The following ZNF532 variants were observed in gnomAD, a reference collection of about 807,000 sequenced individuals.
ZNF532 encodes zinc finger protein 532.
In ZNF532, 22 loss-of-function variants were observed where a neutral mutation model predicts 89.3. The observed-to-expected ratio is 0.25, with a 90% confidence interval of 0.18 to 0.35. ZNF532 has a LOEUF of 0.35. ZNF532 is among the 10% of genes least tolerant of loss of function. The pLI is 1.00. For synonymous variants in ZNF532, 606 were observed against 649.6 expected, an observed-to-expected ratio of 0.93 and a Z score of 1.02; for missense variants, 1,132 against 1,643.4, an observed-to-expected ratio of 0.69 and a Z score of 5.38.
In ZNF532 at chr18:58,953,629, A is replaced by G; in HGVS notation, c.2980A>G (p.Thr994Ala). ...TTCAGCAAATCAGAACAAAGAGGAC[A>G]CCAAATCCATGAATGGGAAAGAGAA... ...QNSANQNKED[T>A]KSMNGKEKLE... The change falls in exon 7 of 10, where the codon ACC becomes GCC. Residue 994 changes from threonine to alanine, a missense_variant. Thr to Ala is a moderately conservative substitution (Grantham distance 58). Transcript: ENST00000591808. The G allele has an allele frequency of 6.2e-7, 1 of 1,614,010 alleles. No individual in the cohort carries two copies. Among genetic ancestry groups the G allele is most frequent in the Non-Finnish European group, 8.5e-7 (1 of 1,179,872 alleles).
At chr18:58,882,380 G>A (rs2057995097) in intron 2 of ZNF532, among the ~76,000 whole-genome samples, 1 of 152,084 alleles carries the variant, frequency 6.6e-6, no homozygotes, top group Non-Finnish European at 1.5e-5. Context: ...AAAATGGGCT[G>A]GAAGCACCTC....
intron 3 of ZNF532, 103 bp downstream of exon 3, chr18:58,920,736 GTGTGTGTGT>G: frequency 1.6e-3 from 2 of 1,290 alleles, no homozygotes; most frequent in East Asian, 0.05. Flanking sequence ...TGAAATGGAC[GTGTGTGTGT>G]GTGTGTGTGT....
intron 9 of ZNF532, among the ~76,000 whole-genome samples, chr18:58,982,481 C>T (rs1455359613): frequency 6.6e-6 from 1 of 151,382 alleles, no homozygotes. Context: ...ATTAGCCAGG[C>T]GTGGTGGTGC....
intron 3 of ZNF532, among the ~76,000 whole-genome samples, chr18:58,922,554 G>T (rs1476071326): frequency 6.6e-6 from 1 of 152,198 alleles, no homozygotes; most frequent in Non-Finnish European, 1.5e-5. Flanking sequence ...TGTTAACCTA[G>T]CCCGGTGACA....
At chr18:58,959,270 G>GTTTTTTTTT (rs1460137767) in intron 7 of ZNF532, among the ~76,000 whole-genome samples, 1 of 127,682 alleles carries the variant, frequency 7.8e-6, no homozygotes, top group African/African-American at 3.3e-5. Flanking sequence ...GTTTTTTTTT[G>GTTTTTTTTT]TTTTTTTTTG....
Position 58,919,764 on chromosome 18 carries a change from A to G in ZNF532, c.1477A>G (p.Ile493Val). Residue 493 changes from isoleucine (I) to valine (V), a missense_variant, in exon 3 of 10, where the codon ATC becomes GTC. Ile to Val is a conservative substitution (Grantham distance 29, BLOSUM62 3). Transcript: ENST00000591808. This position sits in a 1 kb window ranked among gnomAD's most constrained non-coding sequence, Gnocchi z 6.1. ...AASVQSASSA[I>V]IKAANAIQQQ... ...CTCTGTCCAGAGTGCCAGCAGCGCC[A>G]TCATTAAAGCTGCCAACGCCATCCA... The G allele has an allele frequency of 6.2e-7, 1 of 1,614,170 alleles. No homozygotes were observed. Among genetic ancestry groups the G allele is most frequent in the Non-Finnish European group, 8.5e-7 (1 of 1,180,020 alleles).
rs1568247028 is a variant in ZNF532 at position 58,888,806 on chromosome 18, TATAAA to T, written c.-18+23229_-18+23233del. On this transcript the variant is annotated intron_variant, in intron 2 of 9. Coordinates refer to ENST00000591808, the MANE Select transcript of ZNF532 (RefSeq NM_001375912.1). ...ATATAAAATATATATAATTTATATA[TATAAA>T]AAATTATATATATAAATTATATATA... 1.0e-3 allele frequency among the ~76,000 whole-genome samples: 58 copies of T among 55,270 alleles called. No homozygotes were observed. The East Asian group carries it at 0.011, about 11-fold the overall frequency. The allele number at this position is 55,270 out of a possible 152,430, so 36.3% of individuals were successfully genotyped here. A position where few individuals can be genotyped will look rare whatever the true frequency, so the allele number is the denominator to read the frequency against.
intron 4 of ZNF532, among the ~76,000 whole-genome samples, chr18:58,935,015 C>T (rs2062261055): frequency 6.6e-6 from 1 of 152,004 alleles, no homozygotes. Flanking sequence ...GTGCGATGGT[C>T]TTTTACTTTT....
At chr18:58,951,173 G>A (rs2064126653) in intron 6 of ZNF532, among the ~76,000 whole-genome samples, 1 of 152,092 alleles carries the variant, frequency 6.6e-6, no homozygotes, top group Non-Finnish European at 1.5e-5. Context: ...AGTTGTCCAG[G>A]TTGGTCTTGA....
chr18:58,884,255 C>T lies in ZNF532; in HGVS notation c.-18+18676C>T, dbSNP rs528545358. Among the ~76,000 whole-genome samples, 6 of 152,326 alleles carry T rather than the reference C, an allele frequency of 3.9e-5. No individual in the cohort carries two copies. In the East Asian group the frequency reaches 1.2e-3, roughly 29 times the overall value. ...ATTAGCTGGGTGCGCTGGGCGCGCT[C>T]CTGTAATCCCAGCTACTTGGAGGGC... is the stretch of plus-strand genomic sequence containing the variant. On this transcript the variant is annotated intron_variant, in intron 2 of 9. Coordinates refer to ENST00000591808, the MANE Select transcript of ZNF532 (RefSeq NM_001375912.1).
intron 2 of ZNF532, chr18:58,916,575 CAT>C (rs2060617360): frequency 3.0e-6 from 1 of 334,778 alleles, no homozygotes. Flanking sequence ...AAGAAAAGCA[CAT>C]GTGACTTCTT....
At position 58,948,506 on chromosome 18, in the gene ZNF532, GT is replaced by G. The variant is rs2063855190; in HGVS notation, c.2868+283del. On this transcript the variant is annotated intron_variant, in intron 6 of 9. Transcript: ENST00000591808. ...AGAGTAAAAAAGTACTAAGTTTTTT[GT>G]TTTTTGTTTTTTTTAATATGTGAAA... is the stretch of plus-strand genomic sequence containing the variant. Among the ~76,000 whole-genome samples, 4 of 146,498 alleles carry G rather than the reference GT, an allele frequency of 2.7e-5. No homozygotes were observed. The South Asian group carries it at 8.7e-4, about 32-fold the overall frequency.
intron 2 of ZNF532, among the ~76,000 whole-genome samples, chr18:58,897,691 A>C (rs11152102): frequency 6.6e-6 from 1 of 152,066 alleles, no homozygotes; most frequent in African/African-American, 2.4e-5. Context: ...GGTGGCTCAC[A>C]CCTGTAATCC....
chr18:58,897,923 C>T (rs914360541), intron 2 of ZNF532, among the ~76,000 whole-genome samples: 1 of 151,974 alleles, frequency 6.6e-6, no homozygotes, highest in African/African-American at 2.4e-5. Flanking sequence ...CTGCACTCCA[C>T]CCTGGGTGAC....
intron 7 of ZNF532, among the ~76,000 whole-genome samples, chr18:58,965,048 ATTAG>A (rs1022349440): frequency 2.0e-5 from 3 of 147,958 alleles, no homozygotes; most frequent in South Asian, 2.1e-4. Context: ...TTTATATTTT[ATTAG>A]TTTATTTGAT....
At position 58,919,907 on chromosome 18, in the gene ZNF532, C is replaced by T. The variant is rs376844154; in HGVS notation, c.1620C>T (p.Leu540=). The T allele has an allele frequency of 5.6e-5, 90 of 1,614,020 alleles. 2 individuals are homozygous for T. In the East Asian group the frequency reaches 2.0e-3, roughly 36 times the overall value. Residue 540 remains leucine (L), a synonymous_variant, in exon 3 of 10, where the codon CTC becomes CTT. Transcript: ENST00000591808. The surrounding 1 kb of genome is among the most constrained non-coding windows in gnomAD (Gnocchi z 6.1). The part of the protein sequence containing the change: ...LPQGAQATSE[L]RQVLTKPQQQ... ...AGGGTGCCCAGGCCACCTCTGAACT[C>T]CGCCAAGTGCTAACCAAACCTCAGC...
At chr18:58,872,931 C>G (rs2057117418) in intron 2 of ZNF532, among the ~76,000 whole-genome samples, 1 of 151,736 alleles carries the variant, frequency 6.6e-6, no homozygotes, top group Non-Finnish European at 1.5e-5. Context: ...ATCTCCTGAC[C>G]CTGTGGTCTG....
chr18:58,923,390 C>G (rs2061279846), intron 3 of ZNF532, among the ~76,000 whole-genome samples: 1 of 151,650 alleles, frequency 6.6e-6, no homozygotes, highest in South Asian at 2.1e-4. Context: ...CACTCAGACC[C>G]AAGAGGGGAG....
At chr18:58,911,110 A>G (rs1602996873) in intron 2 of ZNF532, among the ~76,000 whole-genome samples, 1 of 152,180 alleles carries the variant, frequency 6.6e-6, no homozygotes, top group Admixed American at 6.5e-5. Context: ...TACTGGGAGG[A>G]GCAGGATATG....
Sources: gnomAD v4.1 joint callset for allele counts (sites outside exome capture counted in the v4.1 genomes callset) on GRCh38, gnomAD v4.1.1 for gene constraint, Gnocchi (gnomAD v3.1) non-coding constraint, MANE v1.5 for transcripts, NCBI Gene and HGNC (gene_info 2026-07-23, HGNC 2026-07-21) for gene names.